The following DOCK2 variants were observed in gnomAD, a reference collection of about 807,000 sequenced individuals.
DOCK2 encodes dedicator of cytokinesis 2.
Under a neutral mutation model 248.9 loss-of-function variants are expected in DOCK2, and 87 were observed. The ratio of observed to expected loss-of-function variants is 0.35; its 90% CI spans 0.29 to 0.42. The LOEUF (loss-of-function observed/expected upper bound fraction) is 0.42, where lower values mean the gene tolerates loss of function less well. Among genes scored for constraint, DOCK2 ranks in the 10% least tolerant of loss-of-function variants. The pLI, the probability that DOCK2 is intolerant of heterozygous loss-of-function variation, is 1.00. For missense variants in DOCK2, 1,747 were observed against 2,300.2 expected, an observed-to-expected ratio of 0.76 and a Z score of 4.92; for synonymous variants, 805 against 821.6, an observed-to-expected ratio of 0.98 and a Z score of 0.35.
chr5:170,048,521 C>G (rs1561897508), intron 40 of DOCK2, among the ~76,000 whole-genome samples: 1 of 152,208 alleles, frequency 6.6e-6, no homozygotes, highest in African/African-American at 2.4e-5. Context: ...CATGAGATTG[C>G]TTCACATTTC....
intron 27 of DOCK2, among the ~76,000 whole-genome samples, chr5:169,918,058 T>C (rs184275578): frequency 2.6e-5 from 4 of 152,346 alleles, no homozygotes; most frequent in Admixed American, 2.6e-4. Context: ...CATAAACTTC[T>C]GATATTCTAC....
intron 30 of DOCK2, among the ~76,000 whole-genome samples, chr5:170,008,212 ACAACAAC>A (rs747128711): frequency 0.032 from 2,157 of 68,180 alleles, 54 homozygotes; most frequent in African/African-American, 0.12. Flanking sequence ...AACAACAACA[ACAACAAC>A]AACAACAAAA....
intron 27 of DOCK2, among the ~76,000 whole-genome samples, chr5:169,940,352 G>A (rs1350735585): frequency 6.6e-6 from 1 of 152,126 alleles, no homozygotes; most frequent in Non-Finnish European, 1.5e-5. Context: ...CTTGAGTATT[G>A]CTATTGGCAT....
intron 23 of DOCK2, among the ~76,000 whole-genome samples, chr5:169,758,389 C>T (rs1022340232): frequency 2.0e-5 from 3 of 151,926 alleles, no homozygotes; most frequent in African/African-American, 7.3e-5. Context: ...GAGGAGGATG[C>T]GATATAGGAC....
chr5:169,850,333 G>A (rs757273261), intron 27 of DOCK2, among the ~76,000 whole-genome samples: 6 of 152,154 alleles, frequency 3.9e-5, no homozygotes, highest in Non-Finnish European at 8.8e-5. Flanking sequence ...TATCCCATCC[G>A]AGTCTGCCAG....
intron 22 of DOCK2, among the ~76,000 whole-genome samples, chr5:169,745,051 A>G (rs1763531618): frequency 6.6e-6 from 1 of 152,208 alleles, no homozygotes; most frequent in Non-Finnish European, 1.5e-5. Flanking sequence ...GATGGAATTC[A>G]TTCAGCGTTT....
At chr5:169,819,946 T>C (rs1768317492) in intron 26 of DOCK2, among the ~76,000 whole-genome samples, 1 of 152,226 alleles carries the variant, frequency 6.6e-6, no homozygotes, top group Non-Finnish European at 1.5e-5. Flanking sequence ...TCCAATGCTC[T>C]TAGCAAACGG....
chr5:169,747,244 T>C lies in DOCK2; in HGVS notation c.2268-152T>C. 6.5e-6 allele frequency: 4 copies of C among 615,888 alleles called. No individual in the cohort carries two copies. In the South Asian group the frequency reaches 9.0e-5, roughly 14 times the overall value. 38.2% of individuals were successfully genotyped at this position (615,888 alleles called of 1,614,324 possible). Reference sequence around the variant, plus strand: ...TGAGGCTTTTCCCTTGAGAGAATGATGCACGCAGCATCTGCAGAATCCTCT... The same window carrying C: ...TGAGGCTTTTCCCTTGAGAGAATGACGCACGCAGCATCTGCAGAATCCTCT... On this transcript the variant is annotated intron_variant, in intron 22 of 51. Transcript: ENST00000520908.
intron 25 of DOCK2, among the ~76,000 whole-genome samples, chr5:169,794,966 G>A (rs866415174): frequency 6.6e-6 from 1 of 152,160 alleles, no homozygotes; most frequent in Non-Finnish European, 1.5e-5. Flanking sequence ...AGGCCAAGGT[G>A]TGTGGATTGC....
chr5:169,851,206 A>T (rs1324995666), intron 27 of DOCK2, among the ~76,000 whole-genome samples: 1 of 152,228 alleles, frequency 6.6e-6, no homozygotes, highest in African/African-American at 2.4e-5. Context: ...TACAAAGTTC[A>T]ATTTAAAAAA....
chr5:170,008,412 T>C, intron 30 of DOCK2, 85 bp from the exon 31 acceptor site: 1 of 1,410,750 alleles, frequency 7.1e-7, no homozygotes, highest in East Asian at 2.3e-5. Flanking sequence ...TTCTGCCATC[T>C]TCATAAATTA....
intron 27 of DOCK2, among the ~76,000 whole-genome samples, chr5:169,944,279 G>A (rs569634485): frequency 4.6e-5 from 7 of 152,214 alleles, no homozygotes; most frequent in African/African-American, 1.4e-4. Context: ...ATGCACAGAG[G>A]TGTCTGAAAG....
chr5:170,064,243 A>G (rs7700353), intron 44 of DOCK2, among the ~76,000 whole-genome samples: 38,066 of 151,894 alleles, frequency 0.25, 5,328 homozygotes, highest in African/African-American at 0.37. Flanking sequence ...ATGAAGAAAC[A>G]GGGTAATATA....
At chr5:169,669,412 C>A in intron 3 of DOCK2, 84 bp downstream of exon 3, 1 of 1,455,528 alleles carries the variant, frequency 6.9e-7, no homozygotes, top group Non-Finnish European at 9.6e-7. Context: ...TCTCTCCCAC[C>A]ATTGCTCCTC....
chr5:169,942,542 C>A (rs2113708129), intron 27 of DOCK2, among the ~76,000 whole-genome samples: 1 of 152,340 alleles, frequency 6.6e-6, no homozygotes, highest in Non-Finnish European at 1.5e-5. Flanking sequence ...CCATATTTTA[C>A]AGAAAATTGT....
At chr5:170,042,332 C>A (rs1165619195) in intron 38 of DOCK2, among the ~76,000 whole-genome samples, 200 bp downstream of exon 38, 3 of 152,184 alleles carry the variant, frequency 2.0e-5, no homozygotes, top group African/African-American at 7.2e-5. Flanking sequence ...CTGGACACTG[C>A]GATGGATCCT....
chr5:170,019,215 G>A lies in DOCK2; in HGVS notation c.3381+107G>A, dbSNP rs540295972. On this transcript the variant is annotated intron_variant, in intron 33 of 51. Transcript: ENST00000520908. The stretch of plus-strand genomic sequence containing the variant: ...CCTGAGCTTCATTGAGAGGCTCGGC[G>A]GCAGGATAGGGACATTTATTCATGG... 68 of 1,529,862 alleles carry A rather than the reference G, an allele frequency of 4.4e-5. No individual in the cohort carries two copies. In the South Asian group the frequency reaches 4.7e-4, roughly 11 times the overall value. 94.8% of individuals were successfully genotyped at this position (1,529,862 alleles called of 1,614,324 possible). A position where few individuals can be genotyped will look rare whatever the true frequency, so the allele number is the denominator to read the frequency against.
intron 26 of DOCK2, among the ~76,000 whole-genome samples, chr5:169,816,337 C>T (rs945466067): frequency 4.6e-5 from 7 of 152,296 alleles, no homozygotes; most frequent in East Asian, 1.9e-4. Context: ...CTAGAATGGA[C>T]ATTTTCTCAG....
chr5:169,902,146 A>G (rs1352590073), intron 27 of DOCK2, among the ~76,000 whole-genome samples: 2 of 152,190 alleles, frequency 1.3e-5, no homozygotes, highest in African/African-American at 2.4e-5. Context: ...TACCACAAAA[A>G]CACTGAAAAG....
Sources: allele counts gnomAD v4.1 joint callset (sites outside exome capture counted in the v4.1 genomes callset), GRCh38; gene constraint gnomAD v4.1.1; transcripts MANE v1.5; gene names NCBI Gene and HGNC (gene_info 2026-07-23, HGNC 2026-07-21).